The following GALNT13 variants were observed in gnomAD, a reference collection of about 807,000 sequenced individuals.
GALNT13 encodes the protein polypeptide N-acetylgalactosaminyltransferase 13.
Under a neutral mutation model 64.2 loss-of-function variants are expected in GALNT13, and 28 were observed. That is an observed-to-expected ratio of 0.44 (90% CI 0.32 to 0.60). The LOEUF is 0.60. Ranked by LOEUF, GALNT13 falls within the 20% of genes least tolerant of loss-of-function variation. The pLI, the probability that GALNT13 is intolerant of heterozygous loss-of-function variation, is 0.05. For missense variants in GALNT13, 577 were observed against 669.8 expected (o/e 0.86, Z 1.53); for synonymous variants, 214 against 224.6 (o/e 0.95, Z 0.42).
At chr2:153,272,493 A>G in the GALNT13 span, among the ~76,000 whole-genome samples, 2 of 152,214 alleles carry the variant, frequency 1.3e-5, no homozygotes, top group Non-Finnish European at 2.9e-5. Context: ...TTATATGGCC[A>G]ACAAACATAT....
chr2:154,282,017 A>G (rs1254866053), intron 8 of GALNT13, among the ~76,000 whole-genome samples: 1 of 152,188 alleles, frequency 6.6e-6, no homozygotes, highest in Non-Finnish European at 1.5e-5. Context: ...CTAAATTAAG[A>G]CAGAAAGTAC....
At chr2:154,039,759 G>A (rs1698873483) in intron 3 of GALNT13, among the ~76,000 whole-genome samples, 1 of 139,236 alleles carries the variant, frequency 7.2e-6, no homozygotes, top group Non-Finnish European at 1.6e-5. Flanking sequence ...AATACTAGAA[G>A]AGAGGATTTT....
At chr2:153,925,111 G>T (rs1274612702) in intron 2 of GALNT13, among the ~76,000 whole-genome samples, 1 of 152,096 alleles carries the variant, frequency 6.6e-6, no homozygotes, top group Non-Finnish European at 1.5e-5. Context: ...TGGCATCTTT[G>T]TCATGACATC....
the GALNT13 span, among the ~76,000 whole-genome samples, chr2:153,550,033 T>A: frequency 3.6e-4 from 55 of 152,300 alleles, 1 homozygote; most frequent in Admixed American, 1.0e-3. Context: ...GCACACCTGA[T>A]CTTGTGCCAA....
intron 2 of GALNT13, among the ~76,000 whole-genome samples, chr2:153,936,867 T>C (rs2105368655): frequency 6.6e-6 from 1 of 152,084 alleles, no homozygotes; most frequent in Middle Eastern, 3.4e-3. Context: ...ACTACAGGCG[T>C]GTGCCACCAT....
chr2:153,940,003 A>G (rs1691221787), intron 2 of GALNT13, among the ~76,000 whole-genome samples: 1 of 152,148 alleles, frequency 6.6e-6, no homozygotes, highest in Non-Finnish European at 1.5e-5. Context: ...TTCCCTCCTG[A>G]GAATTGAATT....
At chr2:154,371,959 T>C (rs1697717223) in intron 9 of GALNT13, among the ~76,000 whole-genome samples, 1 of 152,026 alleles carries the variant, frequency 6.6e-6, no homozygotes, top group Non-Finnish European at 1.5e-5. Flanking sequence ...TAACCACTTA[T>C]ACCTGACATA....
intron 7 of GALNT13, among the ~76,000 whole-genome samples, chr2:154,255,220 A>G (rs1009015333): frequency 1.3e-5 from 2 of 152,192 alleles, no homozygotes; most frequent in African/African-American, 4.8e-5. Flanking sequence ...AGTTAAGGAC[A>G]GGTTATTGGA....
rs1700546820 is a variant in GALNT13 at position 154,428,043 on chromosome 2, GAGAAAATC to G, written c.1396-10547_1396-10540del. Among the ~76,000 whole-genome samples, 3 of 152,158 alleles carry G rather than the reference GAGAAAATC, an allele frequency of 2.0e-5. No homozygotes were observed. The South Asian group carries it at 6.2e-4, about 31-fold the overall frequency. Reference sequence around the variant, plus strand: ...TCTTGGGTTATTTTTACAGATGAGGGAGAAAATCATTATGACAAGTTTATTTTCTTACA... The same window carrying G: ...TCTTGGGTTATTTTTACAGATGAGGGATTATGACAAGTTTATTTTCTTACA... On this transcript the variant is annotated intron_variant, in intron 11 of 12. Transcript: ENST00000392825.
chr2:153,601,112 C>T, the GALNT13 span, among the ~76,000 whole-genome samples: 1 of 151,082 alleles, frequency 6.6e-6, no homozygotes, highest in East Asian at 1.9e-4. Flanking sequence ...AAATGTTTAC[C>T]ACAGTATATT....
the GALNT13 span, among the ~76,000 whole-genome samples, chr2:153,545,305 A>G: frequency 2.0e-5 from 3 of 152,158 alleles, no homozygotes; most frequent in African/African-American, 7.2e-5. Flanking sequence ...TGTTCTCCAT[A>G]GCAGAAGGAA....
the GALNT13 span, among the ~76,000 whole-genome samples, chr2:153,538,506 G>T: frequency 1.0e-5 from 1 of 97,084 alleles, no homozygotes; most frequent in African/African-American, 4.4e-5. Context: ...TCATCATCTA[G>T]CATTAGGTAT....
At chr2:153,523,876 T>G in the GALNT13 span, among the ~76,000 whole-genome samples, 3 of 152,218 alleles carry the variant, frequency 2.0e-5, no homozygotes, top group African/African-American at 7.2e-5. Flanking sequence ...TTGTTCCTAA[T>G]CTTAGTGAGA....
At chr2:154,439,279 G>A (rs1314794703) in intron 12 of GALNT13, among the ~76,000 whole-genome samples, 1 of 152,088 alleles carries the variant, frequency 6.6e-6, no homozygotes, top group Non-Finnish European at 1.5e-5. Context: ...AGAAGAGGGA[G>A]AGAAAACCAC....
the GALNT13 span, among the ~76,000 whole-genome samples, chr2:153,367,016 C>CA: frequency 0.61 from 89,775 of 148,116 alleles, 27,893 homozygotes; most frequent in Non-Finnish European, 0.68. Flanking sequence ...AACAAACAAA[C>CA]AAAAAAAAAA....
the GALNT13 span, among the ~76,000 whole-genome samples, chr2:153,180,498 T>G: frequency 6.6e-6 from 1 of 152,172 alleles, no homozygotes; most frequent in African/African-American, 2.4e-5. Flanking sequence ...TTTCTTCTGA[T>G]GTCCTTATTT....
chr2:153,077,077 G>A, the GALNT13 span, among the ~76,000 whole-genome samples: 58 of 151,772 alleles, frequency 3.8e-4, no homozygotes, highest in Non-Finnish European at 6.6e-4. Context: ...TCAGCCTCCC[G>A]AGTAGCTGGG....
At chr2:153,238,420 G>A in the GALNT13 span, among the ~76,000 whole-genome samples, 1 of 152,034 alleles carries the variant, frequency 6.6e-6, no homozygotes, top group African/African-American at 2.4e-5. Context: ...TCAGTATCCT[G>A]GACAGTTTCC....
intron 3 of GALNT13, among the ~76,000 whole-genome samples, chr2:154,069,252 A>G (rs1048256051): frequency 6.6e-6 from 1 of 152,008 alleles, no homozygotes; most frequent in African/African-American, 2.4e-5. Context: ...ATATTTGTAA[A>G]TGGAAGCACA....
Sources: allele counts gnomAD v4.1 joint callset (sites outside exome capture counted in the v4.1 genomes callset), GRCh38; gene constraint gnomAD v4.1.1; transcripts MANE v1.5; gene names NCBI Gene and HGNC (gene_info 2026-07-23, HGNC 2026-07-21).